RASA2: variants seen among roughly 807,000 people sequenced by gnomAD.
RASA2 encodes ras GTPase-activating protein 2.
In RASA2, 155 loss-of-function variants were observed where a neutral mutation model predicts 118.2. The ratio of observed to expected loss-of-function variants is 1.31; its 90% CI spans 1.15 to 1.50. The LOEUF is 1.50. RASA2 is among the 40% of genes most tolerant of loss of function. RASA2 has a pLI of 0.00. For missense variants in RASA2, 1,016 were observed against 1,009.6 expected, an observed-to-expected ratio of 1.01 and a Z score of -0.09; for synonymous variants, 353 against 349.1, an observed-to-expected ratio of 1.01 and a Z score of -0.12.
At chr3:141,534,542 A>G (rs1200989467) in intron 4 of RASA2, among the ~76,000 whole-genome samples, 1 of 152,016 alleles carries the variant, frequency 6.6e-6, no homozygotes, top group East Asian at 1.9e-4. Flanking sequence ...ACCAACAAGC[A>G]TATCTTGAAT....
intron 14 of RASA2, among the ~76,000 whole-genome samples, chr3:141,576,251 G>A (rs1314708943): frequency 1.3e-5 from 2 of 152,174 alleles, no homozygotes; most frequent in East Asian, 1.9e-4. Flanking sequence ...AAGAATGGGG[G>A]AAGGAGGGCA....
intron 4 of RASA2, among the ~76,000 whole-genome samples, chr3:141,537,708 G>A (rs1036658436): frequency 1.3e-5 from 2 of 152,130 alleles, no homozygotes; most frequent in African/African-American, 4.8e-5. Context: ...GGCAGAGGTT[G>A]CAGTGAGCTG....
intron 4 of RASA2, among the ~76,000 whole-genome samples, chr3:141,539,455 T>A (rs767971598): frequency 1.3e-5 from 2 of 152,170 alleles, no homozygotes; most frequent in Non-Finnish European, 2.9e-5. Context: ...GACCTCAGAT[T>A]CATTCTTGTA....
At chr3:141,532,294 C>T (rs897104674) in intron 4 of RASA2, among the ~76,000 whole-genome samples, 1 of 152,012 alleles carries the variant, frequency 6.6e-6, no homozygotes, top group Non-Finnish European at 1.5e-5. Flanking sequence ...CTACCTTTCA[C>T]CATTCTGTAC....
intron 4 of RASA2, among the ~76,000 whole-genome samples, chr3:141,535,023 A>G (rs1360474075): frequency 6.6e-6 from 1 of 152,132 alleles, no homozygotes; most frequent in Non-Finnish European, 1.5e-5. Flanking sequence ...CTTTCATTGT[A>G]CTTCACTGTG....
intron 1 of RASA2, among the ~76,000 whole-genome samples, chr3:141,495,670 G>T (rs2081692031): frequency 6.6e-6 from 1 of 152,202 alleles, no homozygotes; most frequent in South Asian, 2.1e-4. Context: ...TATCTGTTAA[G>T]AATTTAAATG....
chr3:141,564,326 TG>T (rs2082784428), intron 9 of RASA2, among the ~76,000 whole-genome samples: 1 of 152,192 alleles, frequency 6.6e-6, no homozygotes, highest in Admixed American at 6.5e-5. Flanking sequence ...TTGTTTTGAC[TG>T]TAGAGTTCAG....
At chr3:141,571,373 G>A in intron 10 of RASA2, 33 bp from the exon 11 acceptor site, 1 of 1,597,392 alleles carries the variant, frequency 6.3e-7, no homozygotes, top group Non-Finnish European at 8.5e-7. Context: ...TTTCCTTGAT[G>A]TTTGTGCTTG....
intron 19 of RASA2, among the ~76,000 whole-genome samples, chr3:141,598,499 CAAG>C (rs945572808): frequency 1.4e-4 from 22 of 152,124 alleles, no homozygotes; most frequent in Non-Finnish European, 2.6e-4. Context: ...GTAGTTAAAT[CAAG>C]GATTATCCCC....
At chr3:141,576,360 G>T (rs1242972508) in intron 14 of RASA2, among the ~76,000 whole-genome samples, 1 of 152,130 alleles carries the variant, frequency 6.6e-6, no homozygotes, top group Non-Finnish European at 1.5e-5. Context: ...GTTAAAACTC[G>T]AACCAAACCT....
intron 9 of RASA2, among the ~76,000 whole-genome samples, chr3:141,565,739 T>A (rs1210660908): frequency 6.6e-6 from 1 of 152,220 alleles, no homozygotes; most frequent in Non-Finnish European, 1.5e-5. Flanking sequence ...CAGCTTTGGG[T>A]ATGTCTGTAT....
At chr3:141,490,054 A>G (rs1247028952) in intron 1 of RASA2, among the ~76,000 whole-genome samples, 1 of 151,612 alleles carries the variant, frequency 6.6e-6, no homozygotes, top group Non-Finnish European at 1.5e-5. Context: ...GCTCAAACGA[A>G]CCCAGGGAAT....
rs1467678329 is a variant in RASA2 at position 141,614,393 on chromosome 3, G to A, written c.*2080G>A. The A allele has an allele frequency of 1.3e-5, 2 of 152,152 alleles. No homozygotes were observed. The highest frequency in any genetic ancestry group is 2.9e-5 in the Non-Finnish European group (2 of 68,008). 9.4% of individuals were successfully genotyped at this position (152,152 alleles called of 1,614,324 possible). Reference sequence around the variant, plus strand: ...GAAATTAAATTATTTTTCTTTGAAAGTCTTTTGAAATAAGAGACCATGTAA... The same window carrying A: ...GAAATTAAATTATTTTTCTTTGAAAATCTTTTGAAATAAGAGACCATGTAA... On this transcript the variant is annotated 3_prime_UTR_variant, in exon 24 of 24. Coordinates refer to ENST00000286364, the MANE Select transcript of RASA2 (RefSeq NM_006506.5).
chr3:141,575,990 T>A (rs2083005030), intron 14 of RASA2, among the ~76,000 whole-genome samples: 1 of 152,188 alleles, frequency 6.6e-6, no homozygotes, highest in Non-Finnish European at 1.5e-5. Flanking sequence ...TTGGTCAGGC[T>A]GGTCTCAAAC....
chr3:141,507,695 A>C (rs2081890024), intron 1 of RASA2, among the ~76,000 whole-genome samples: 2 of 152,186 alleles, frequency 1.3e-5, no homozygotes, highest in Admixed American at 1.3e-4. Flanking sequence ...ATATTCATGA[A>C]ATCTGTGACT....
Position 141,611,530 on chromosome 3 carries a change from A to T in RASA2, c.2520-753A>T, listed in dbSNP as rs545924554. Among the ~76,000 whole-genome samples, 36 of 152,218 alleles carry T rather than the reference A, an allele frequency of 2.4e-4. No individual in the cohort carries two copies. The South Asian group carries it at 7.0e-3, about 30-fold the overall frequency. On this transcript the variant is annotated intron_variant, in intron 23 of 23. Transcript: ENST00000286364. The stretch of plus-strand genomic sequence containing the variant: ...CCACAGTGAACACTCATTGATCCTC[A>T]AATCAGCCCAACTTGGTTTTATCCT...
chr3:141,558,974 G>C lies in RASA2; in HGVS notation c.761+12G>C. On this transcript the variant is annotated intron_variant, in intron 8 of 23. Coordinates refer to ENST00000286364, the MANE Select transcript of RASA2 (RefSeq NM_006506.5). Reference sequence around the variant, plus strand: ...AAGCTAGAAATCAGGTATGTGCCTTGGGGTTTTACAGAATTGCTTTTTTGT... The same window carrying C: ...AAGCTAGAAATCAGGTATGTGCCTTCGGGTTTTACAGAATTGCTTTTTTGT... The C allele has an allele frequency of 6.3e-7, 1 of 1,578,214 alleles. No homozygotes were observed. The highest frequency in any genetic ancestry group is 8.7e-7 in the Non-Finnish European group (1 of 1,155,226).
intron 1 of RASA2, among the ~76,000 whole-genome samples, chr3:141,504,088 T>C (rs2081826657): frequency 6.6e-6 from 1 of 152,224 alleles, no homozygotes; most frequent in African/African-American, 2.4e-5. Context: ...ATGCTAAGGA[T>C]GGTGCTAAGA....
At chr3:141,599,146 A>G (rs1363197099) in intron 19 of RASA2, among the ~76,000 whole-genome samples, 2 of 152,018 alleles carry the variant, frequency 1.3e-5, no homozygotes, top group Non-Finnish European at 2.9e-5. Flanking sequence ...CTACACTGAA[A>G]CTACAAAACA....
Sources: gnomAD v4.1 joint callset for allele counts (sites outside exome capture counted in the v4.1 genomes callset) on GRCh38, gnomAD v4.1.1 for gene constraint, MANE v1.5 for transcripts, NCBI Gene and HGNC (gene_info 2026-07-23, HGNC 2026-07-21) for gene names.